The following VPS39 variants were observed in gnomAD, a reference collection of about 807,000 sequenced individuals.
The protein encoded by VPS39 is VPS39 subunit of HOPS complex.
VPS39 carries 70 observed loss-of-function variants against 121.0 expected under a neutral mutation model. The ratio of observed to expected loss-of-function variants is 0.58; its 90% CI spans 0.48 to 0.71. The LOEUF (loss-of-function observed/expected upper bound fraction) is 0.71, where lower values mean the gene tolerates loss of function less well. Among genes scored for constraint, VPS39 ranks in the 30% least tolerant of loss-of-function variants. The pLI, the probability that VPS39 is intolerant of heterozygous loss-of-function variation, is 0.00. For synonymous variants in VPS39, 378 were observed against 398.1 expected, an observed-to-expected ratio of 0.95 and a Z score of 0.60; for missense variants, 818 against 1,051.5, an observed-to-expected ratio of 0.78 and a Z score of 3.07.
intron 1 of VPS39, among the ~76,000 whole-genome samples, chr15:42,207,007 G>C (rs2050188049): frequency 6.6e-6 from 1 of 152,236 alleles, no homozygotes; most frequent in African/African-American, 2.4e-5. Flanking sequence ...ACTGCTTACT[G>C]TGGAGGTATG....
Position 42,187,841 on chromosome 15 carries a change from C to T in VPS39, c.358G>A (p.Glu120Lys). 1 of 1,614,188 alleles carries T rather than the reference C, an allele frequency of 6.2e-7. No individual in the cohort carries two copies. Among genetic ancestry groups the T allele is most frequent in the Non-Finnish European group, 8.5e-7 (1 of 1,180,018 alleles). The part of the protein sequence containing the change: ...TCDLQHTETG[E>K]EVLRMCVAVK... ...GCCACACACATCCGTAACACCTCCTCACCGGTCTCTGTGTGCTGGGAGGAG... is the reference window on the plus strand; with the variant it reads ...GCCACACACATCCGTAACACCTCCTTACCGGTCTCTGTGTGCTGGGAGGAG... Residue 120 changes from glutamate to lysine, a missense_variant, in exon 6 of 25, where the codon GAG becomes AAG. Transcript: ENST00000318006.
intron 15 of VPS39, 126 bp from the exon 16 acceptor site, chr15:42,166,358 G>T: frequency 8.5e-7 from 1 of 1,176,426 alleles, no homozygotes. Flanking sequence ...GAGCCACTTG[G>T]GGTTGTTAGC....
At position 42,160,744 on chromosome 15, in the gene VPS39, G is replaced by A; in HGVS notation, c.*10C>T. On this transcript the variant is annotated 3_prime_UTR_variant, in exon 25 of 25. Coordinates refer to ENST00000318006, the MANE Select transcript of VPS39 (RefSeq NM_015289.5). ...AGCTGTCCATCCGCTGGATCCCCAG[G>A]ATGCTGGGCTCAAGTGTCAGCTGGG... 1 of 1,613,272 alleles carries A rather than the reference G, an allele frequency of 6.2e-7. No individual in the cohort carries two copies. The highest frequency in any genetic ancestry group is 1.7e-5 in the Admixed American group (1 of 60,024).
chr15:42,205,033 C>T (rs1481771293), intron 1 of VPS39, among the ~76,000 whole-genome samples: 2 of 152,122 alleles, frequency 1.3e-5, no homozygotes, highest in Non-Finnish European at 2.9e-5. Flanking sequence ...GGTCTTTCTT[C>T]TGTAAAATGG....
At chr15:42,163,454 G>A in intron 20 of VPS39, 59 bp from the exon 21 acceptor site, 1 of 1,606,072 alleles carries the variant, frequency 6.2e-7, no homozygotes, top group Non-Finnish European at 8.5e-7. Context: ...TAAATGAGAG[G>A]CTGTGCGTGC....
In VPS39 at chr15:42,163,401, AG is replaced by A; in HGVS notation, c.2130-7del. The A allele has an allele frequency of 6.2e-7, 1 of 1,614,202 alleles. No homozygotes were observed. Among genetic ancestry groups the A allele is most frequent in the Non-Finnish European group, 8.5e-7 (1 of 1,180,034 alleles). ...CATAGTGTTTGTGGCAGTACCTGCA[AG>A]GGAGAGAGTGGTGAGAGCAGGTGGT... On this transcript the variant is annotated splice_polypyrimidine_tract_variant and splice_region_variant and intron_variant, in intron 20 of 24. Coordinates refer to ENST00000318006, the MANE Select transcript of VPS39 (RefSeq NM_015289.5).
intron 5 of VPS39, among the ~76,000 whole-genome samples, chr15:42,188,131 G>A (rs1420787045): frequency 6.6e-6 from 1 of 152,166 alleles, no homozygotes. Context: ...AAATCCTGGG[G>A]CAGTCCTTCC....
At chr15:42,207,093 CAGA>C (rs893159358) in intron 1 of VPS39, among the ~76,000 whole-genome samples, 1 of 152,158 alleles carries the variant, frequency 6.6e-6, no homozygotes, top group South Asian at 2.1e-4. Flanking sequence ...AAGAACCCTA[CAGA>C]AGAAGTCATC....
chr15:42,171,671 T>C, intron 11 of VPS39, among the ~76,000 whole-genome samples: 1 of 152,230 alleles, frequency 6.6e-6, no homozygotes, highest in Non-Finnish European at 1.5e-5. Context: ...ATTCACACTG[T>C]TGTGCAACCA....
intron 16 of VPS39, 82 bp from the exon 17 acceptor site, chr15:42,165,898 TCAAA>T (rs1161514687): frequency 3.7e-6 from 5 of 1,360,502 alleles, no homozygotes; most frequent in Non-Finnish European, 5.2e-6. Context: ...AGCGCAGGGA[TCAAA>T]CAGACTTTAG....
chr15:42,164,627 C>A (rs1232108742), intron 18 of VPS39, 141 bp from the exon 19 acceptor site: 2 of 1,446,444 alleles, frequency 1.4e-6, no homozygotes, highest in African/African-American at 2.9e-5. Context: ...ATGCTAACTT[C>A]TTTTAGTTCA....
chr15:42,181,391 G>A (rs149514774), intron 8 of VPS39, among the ~76,000 whole-genome samples: 1 of 152,094 alleles, frequency 6.6e-6, no homozygotes, highest in African/African-American at 2.4e-5. Flanking sequence ...GTGGCTTCAG[G>A]GACTGGAGGG....
intron 2 of VPS39, among the ~76,000 whole-genome samples, chr15:42,197,382 T>TA (rs371188127): frequency 4.9e-4 from 68 of 137,924 alleles, no homozygotes; most frequent in Admixed American, 1.0e-3. Context: ...TAAGTAATGC[T>TA]AAAAAAAAAA....
At chr15:42,200,732 T>G (rs1244848004) in intron 1 of VPS39, among the ~76,000 whole-genome samples, 1 of 152,202 alleles carries the variant, frequency 6.6e-6, no homozygotes, top group Non-Finnish European at 1.5e-5. Flanking sequence ...AAACATATTC[T>G]ACACAAAAAC....
At chr15:42,169,930 C>T (rs886335664) in intron 11 of VPS39, 64 bp from the exon 12 acceptor site, 21 of 1,505,264 alleles carry the variant, frequency 1.4e-5, no homozygotes, top group African/African-American at 4.2e-5. Context: ...TAAAATAAAA[C>T]AGGACTATTA....
At chr15:42,182,821 C>G (rs1325510514) in intron 8 of VPS39, among the ~76,000 whole-genome samples, 1 of 152,226 alleles carries the variant, frequency 6.6e-6, no homozygotes, top group East Asian at 1.9e-4. Context: ...GCCCCAGGCA[C>G]TAACGAAGGT....
chr15:42,162,215 G>C, intron 22 of VPS39, 49 bp from the exon 23 acceptor site: 1 of 1,611,334 alleles, frequency 6.2e-7, no homozygotes, highest in Non-Finnish European at 8.5e-7. Flanking sequence ...ACAGGAGTGA[G>C]AATGAAGAAA....
chr15:42,200,300 T>C (rs2050040368), intron 1 of VPS39, among the ~76,000 whole-genome samples: 1 of 152,004 alleles, frequency 6.6e-6, no homozygotes, highest in African/African-American at 2.4e-5. Flanking sequence ...ATGATTTTTA[T>C]TTTTTGTTAT....
chr15:42,204,136 A>G (rs1289009083), intron 1 of VPS39, among the ~76,000 whole-genome samples: 1 of 152,238 alleles, frequency 6.6e-6, no homozygotes, highest in Non-Finnish European at 1.5e-5. Flanking sequence ...TTCTGGCCCA[A>G]TGCTGGCCAC....
Sources: gnomAD v4.1 joint callset for allele counts (sites outside exome capture counted in the v4.1 genomes callset) on GRCh38, gnomAD v4.1.1 for gene constraint, MANE v1.5 for transcripts, NCBI Gene and HGNC (gene_info 2026-07-23, HGNC 2026-07-21) for gene names.